The following CDK5RAP3 variants were observed in gnomAD, a reference collection of about 807,000 sequenced individuals.
The protein encoded by CDK5RAP3 is CDK5 regulatory subunit-associated protein 3.
In CDK5RAP3, 58 loss-of-function variants were observed where a neutral mutation model predicts 73.3. The observed-to-expected ratio is 0.79, with a 90% CI of 0.64 to 0.98. The LOEUF is 0.98. CDK5RAP3 is among the 50% of genes least tolerant of loss of function. CDK5RAP3 has a pLI of 0.00. For missense variants in CDK5RAP3, 525 were observed against 615.8 expected, an observed-to-expected ratio of 0.85 and a Z score of 1.56; for synonymous variants, 224 against 247.5, an observed-to-expected ratio of 0.91 and a Z score of 0.89.
rs773914448 is a variant in CDK5RAP3, at chr17:47,978,927, T to C, written c.1077+10T>C. The C allele has an allele frequency of 2.5e-6, 4 of 1,608,024 alleles. No homozygotes were observed. Among genetic ancestry groups the C allele is most frequent in the Non-Finnish European group, 3.4e-6 (4 of 1,174,590 alleles). On this transcript the variant is annotated intron_variant, in intron 11 of 13. Coordinates refer to ENST00000338399, the MANE Select transcript of CDK5RAP3 (RefSeq NM_176096.3). ...TGATGAGCTCATGGAGGTACTGTCA[T>C]CTCTGGAAGATGCAGGGGGGAGGCA...
chr17:47,976,662 C>A, intron 8 of CDK5RAP3, 50 bp from the exon 9 acceptor site: 2 of 1,286,344 alleles, frequency 1.6e-6, no homozygotes, highest in Non-Finnish European at 2.3e-6. Context: ...CCATGCCCGG[C>A]CCTTTTTAAA....
At chr17:47,979,280 T>G (rs2036497742) in intron 11 of CDK5RAP3, 1 of 193,672 alleles carries the variant, frequency 5.2e-6, no homozygotes, top group South Asian at 1.0e-4. Flanking sequence ...TAGGGGAGGA[T>G]GACGAGGATG....
chr17:47,970,810 G>T, upstream of CDK5RAP3: 1 of 1,430,740 alleles, frequency 7.0e-7, no homozygotes, highest in Non-Finnish European at 9.4e-7. Flanking sequence ...GCCCGCCAGG[G>T]GAAGCGGCTG....
chr17:47,973,455 G>T (rs1416085110), intron 2 of CDK5RAP3, 64 bp from the exon 3 acceptor site: 2 of 1,575,650 alleles, frequency 1.3e-6, no homozygotes, highest in South Asian at 1.1e-5. Context: ...TATTTCACTC[G>T]AATTAGTGAT....
upstream of CDK5RAP3, chr17:47,971,112 C>T (rs2144207346): frequency 1.3e-6 from 2 of 1,551,916 alleles, no homozygotes; most frequent in South Asian, 1.2e-5. Context: ...CGGGGCGGGC[C>T]ACAGTCTCCA....
chr17:47,977,058 C>G (rs1029345849), intron 9 of CDK5RAP3, among the ~76,000 whole-genome samples: 3 of 152,132 alleles, frequency 2.0e-5, no homozygotes, highest in Admixed American at 2.0e-4. Flanking sequence ...ACTGCAACTT[C>G]CGCCTCCCAG....
Position 47,971,377 on chromosome 17 carries a change from C to A in CDK5RAP3, c.22C>A (p.Pro8Thr), listed in dbSNP as rs751727370. 6.2e-7 allele frequency: 1 copy of A among 1,610,456 alleles called. No individual in the cohort carries two copies. Among genetic ancestry groups the A allele is most frequent in the Admixed American group, 1.7e-5 (1 of 59,472 alleles). The change falls in exon 2 of 14, where the codon CCC becomes ACC. Residue 8 changes from proline to threonine, a missense_variant. Pro to Thr is a conservative substitution (Grantham distance 38). Around this residue, in one of 2 missense-constraint regions of CDK5RAP3, gnomAD observed 409 missense variants for 429.8 expected, o/e 0.95. Coordinates refer to ENST00000338399, the MANE Select transcript of CDK5RAP3 (RefSeq NM_176096.3). ...TTCCCGCCAGGACCATCAGCACGTG[C>A]CCATCGACATCCAGACCAGCAAGCT... MEDHQHV[P>T]IDIQTSKLLD...
upstream of CDK5RAP3, among the ~76,000 whole-genome samples, chr17:47,969,196 C>A (rs1036347233): frequency 2.0e-5 from 3 of 152,032 alleles, no homozygotes; most frequent in Non-Finnish European, 2.9e-5. Flanking sequence ...GCATTTCAAT[C>A]AAAAATTTAC....
intron 8 of CDK5RAP3, 29 bp downstream of exon 8, chr17:47,976,042 G>C (rs770683640): frequency 3.7e-6 from 6 of 1,606,280 alleles, no homozygotes; most frequent in Non-Finnish European, 5.1e-6. Flanking sequence ...TGAGCTGTAG[G>C]AGTGGAGTGG....
At chr17:47,970,597 G>A, upstream of CDK5RAP3, 3 of 1,428,394 alleles carry the variant, frequency 2.1e-6, no homozygotes, top group Non-Finnish European at 2.9e-6. Flanking sequence ...TGCCCTAATC[G>A]CCCAACACGT....
chr17:47,976,287 G>T (rs2036410234), intron 8 of CDK5RAP3, among the ~76,000 whole-genome samples: 1 of 152,154 alleles, frequency 6.6e-6, no homozygotes, highest in African/African-American at 2.4e-5. Flanking sequence ...TAGCTTAGAG[G>T]CCACTGCATT....
In CDK5RAP3 at chr17:47,981,700, G is replaced by C; in HGVS notation, c.*198G>C. 6.5e-7 allele frequency: 1 copy of C among 1,534,306 alleles called. No homozygotes were observed. ...AGAAGCTGTGGTGATTGGCCCTGTG[G>C]TCTATCAGGCGAAAACCACAGATTC... On this transcript the variant is annotated 3_prime_UTR_variant, in exon 14 of 14. Transcript: ENST00000338399.
rs763223898 is a variant in CDK5RAP3 at position 47,971,360 on chromosome 17, A to C, written c.7-2A>C. ...CCCCCTCCTCACCGTGTTTCCCGCC[A>C]GGACCATCAGCACGTGCCCATCGAC... On this transcript the variant is annotated splice_acceptor_variant, in intron 1 of 13. Transcript: ENST00000338399. LOFTEE classifies it high-confidence loss of function. The C allele has an allele frequency of 6.2e-7, 1 of 1,610,470 alleles. No individual in the cohort carries two copies. The highest frequency in any genetic ancestry group is 8.5e-7 in the Non-Finnish European group (1 of 1,178,656).
At chr17:47,973,736 C>G (rs1004371183) in intron 3 of CDK5RAP3, 86 bp downstream of exon 3, 1 of 1,544,540 alleles carries the variant, frequency 6.5e-7, no homozygotes, top group African/African-American at 1.4e-5. Flanking sequence ...ATTTAGCCAC[C>G]AGGGCTGGCC....
In CDK5RAP3 at chr17:47,971,154, T is replaced by G. The variant is rs1291816890; in HGVS notation, c.6+2T>G. The G allele has an allele frequency of 6.5e-7, 1 of 1,548,872 alleles. No homozygotes were observed. Among genetic ancestry groups the G allele is most frequent in the South Asian group, 1.2e-5 (1 of 83,648 alleles). ...AGCGGAAGTGGAGGAAAGATGGAGG[T>G]GTGGGGACAGGAGCTGGGTGTGCTG... is the stretch of plus-strand genomic sequence containing the variant. On this transcript the variant is annotated splice_donor_variant, in intron 1 of 13. Transcript: ENST00000338399. LOFTEE classifies it high-confidence loss of function.
rs2036390372 is a variant in CDK5RAP3 at position 47,975,639 on chromosome 17, GTT to G, written c.641_642del (p.Phe214CysfsTer3). ...AIDVYQASVG[F>X]VCESPTEQVL... is the part of the protein sequence containing the mutation. ...TTGACGTGTACCAGGCGTCTGTGGG[GTT>G]TGTGTGTGAGAGGTAGAGAGGCCTC... On this transcript the variant is annotated frameshift_variant, in exon 7 of 14. Coordinates refer to ENST00000338399, the MANE Select transcript of CDK5RAP3 (RefSeq NM_176096.3). LOFTEE classifies it high-confidence loss of function. The G allele has an allele frequency of 6.2e-7, 1 of 1,602,094 alleles. No individual in the cohort carries two copies. The highest frequency in any genetic ancestry group is 1.3e-5 in the African/African-American group (1 of 74,906).
Position 47,975,649 on chromosome 17 carries a change from G to T in CDK5RAP3, c.649G>T (p.Glu217Ter). ...CCAGGCGTCTGTGGGGTTTGTGTGT[G>T]AGAGGTAGAGAGGCCTCAGCTTCTC... is the stretch of plus-strand genomic sequence containing the variant. ...VYQASVGFVCESPTEQVLPML... is the reference protein window; with the variant it reads ...VYQASVGFVC Residue 217 changes from glutamate (E) to a stop codon, truncating the protein, a stop_gained, in exon 7 of 14, where the codon GAG (glutamate) becomes TAG (stop). Transcript: ENST00000338399. LOFTEE classifies it high-confidence loss of function. 1.3e-6 allele frequency: 2 copies of T among 1,594,708 alleles called. No homozygotes were observed. The highest frequency in any genetic ancestry group is 1.7e-5 in the Admixed American group (1 of 59,194).
upstream of CDK5RAP3, chr17:47,970,684 C>T: frequency 6.5e-7 from 1 of 1,535,726 alleles, no homozygotes; most frequent in Admixed American, 2.0e-5. Context: ...GAGACCTGCA[C>T]ACTGCTCTGG....
chr17:47,968,796 G>A (rs1051876565), upstream of CDK5RAP3, among the ~76,000 whole-genome samples: 2 of 152,162 alleles, frequency 1.3e-5, no homozygotes, highest in African/African-American at 4.8e-5. Flanking sequence ...GATTACAGGC[G>A]TGAGCCACCG....
Sources: gnomAD v4.1 joint callset for allele counts (sites outside exome capture counted in the v4.1 genomes callset) on GRCh38, gnomAD v4.1.1 for gene constraint, gnomAD v4.1.1 regional missense constraint, MANE v1.5 for transcripts, NCBI Gene and HGNC (gene_info 2026-07-23, HGNC 2026-07-21) for gene names.